KALRN: variants seen among roughly 807,000 people sequenced by gnomAD.
The protein encoded by KALRN is kalirin.
Under a neutral mutation model 353.7 loss-of-function variants are expected in KALRN, and 70 were observed. The observed-to-expected ratio is 0.20, with a 90% CI of 0.16 to 0.24. The LOEUF is 0.24. Among genes scored for constraint, KALRN ranks in the 10% least tolerant of loss-of-function variants. The probability of loss-of-function intolerance (pLI) is 1.00; values close to 1 mark genes in which losing one functional copy is unlikely to be tolerated. For synonymous variants in KALRN, 1,391 were observed against 1,434.8 expected (o/e 0.97, Z 0.69); for missense variants, 2,791 against 3,756.7 (o/e 0.74, Z 6.72).
intron 1 of KALRN, among the ~76,000 whole-genome samples, chr3:124,200,849 G>A (rs192255494): frequency 3.3e-5 from 5 of 152,250 alleles, no homozygotes; most frequent in Admixed American, 2.0e-4. Context: ...TTGTGAATCC[G>A]TATGTATGGC....
At chr3:124,110,730 A>C (rs1405417538) in intron 1 of KALRN, among the ~76,000 whole-genome samples, 2 of 152,172 alleles carry the variant, frequency 1.3e-5, no homozygotes, top group African/African-American at 4.8e-5. Flanking sequence ...CCTTCGACCT[A>C]GGTTGCAGTC....
At chr3:124,418,622 A>G (rs2092629096) in intron 14 of KALRN, among the ~76,000 whole-genome samples, 2 of 152,238 alleles carry the variant, frequency 1.3e-5, no homozygotes, top group Non-Finnish European at 2.9e-5. Context: ...AAATATCTAA[A>G]TCTTACTCTA....
chr3:124,302,426 A>G (rs937546667), intron 6 of KALRN, among the ~76,000 whole-genome samples: 1 of 152,220 alleles, frequency 6.6e-6, no homozygotes, highest in African/African-American at 2.4e-5. Flanking sequence ...CTTAATGTTG[A>G]TTGTTCATTC....
intron 1 of KALRN, among the ~76,000 whole-genome samples, chr3:124,119,931 T>C (rs1050557462): frequency 5.3e-5 from 8 of 152,226 alleles, no homozygotes; most frequent in Middle Eastern, 3.4e-3. Context: ...TTGGGTATGC[T>C]TTACCAATGC....
At chr3:124,684,236 T>C (rs934932449) in intron 51 of KALRN, among the ~76,000 whole-genome samples, 8 of 152,134 alleles carry the variant, frequency 5.3e-5, no homozygotes, top group African/African-American at 9.7e-5. Flanking sequence ...CTGGTTTTTC[T>C]GCTTGCTATT....
At chr3:124,433,476 T>C (rs1205609336) in intron 16 of KALRN, among the ~76,000 whole-genome samples, 3 of 151,372 alleles carry the variant, frequency 2.0e-5, no homozygotes, top group Non-Finnish European at 4.4e-5. Context: ...TAGTCCCAGC[T>C]ATCCATCTAC....
intron 4 of KALRN, among the ~76,000 whole-genome samples, chr3:124,265,448 A>G (rs1336127066): frequency 2.6e-5 from 4 of 151,286 alleles, no homozygotes; most frequent in African/African-American, 9.7e-5. Context: ...ACCTGCCACC[A>G]TGCCTAGCTA....
chr3:124,171,402 G>C (rs754329118), intron 1 of KALRN, among the ~76,000 whole-genome samples: 8 of 152,156 alleles, frequency 5.3e-5, no homozygotes, highest in African/African-American at 1.9e-4. Context: ...AACTCTCTCT[G>C]TTCATCTTTT....
At chr3:124,405,359 T>C (rs1389194222) in intron 13 of KALRN, among the ~76,000 whole-genome samples, 1 of 152,194 alleles carries the variant, frequency 6.6e-6, no homozygotes. Context: ...TCAAATGCTA[T>C]ATGCTCCTCC....
intron 21 of KALRN, among the ~76,000 whole-genome samples, chr3:124,452,411 G>A (rs79906519): frequency 0.012 from 1,839 of 152,218 alleles, 21 homozygotes; most frequent in Non-Finnish European, 0.022. Context: ...TACCTTTTAG[G>A]GTTCATGGTC....
chr3:124,619,997 T>C (rs187010960), intron 34 of KALRN, among the ~76,000 whole-genome samples: 4 of 152,076 alleles, frequency 2.6e-5, no homozygotes, highest in African/African-American at 7.2e-5. Context: ...TTTTCCACAA[T>C]GAAAGGCCTG....
At chr3:124,146,804 G>A (rs895807711) in intron 1 of KALRN, among the ~76,000 whole-genome samples, 1 of 142,844 alleles carries the variant, frequency 7.0e-6, no homozygotes, top group Admixed American at 7.3e-5. Context: ...TTGCGCCTGG[G>A]AGGCAGAGGT....
intron 6 of KALRN, among the ~76,000 whole-genome samples, chr3:124,309,465 G>A (rs2078033130): frequency 6.6e-6 from 1 of 152,170 alleles, no homozygotes; most frequent in African/African-American, 2.4e-5. Context: ...TGAGGCTGAG[G>A]CAGGAGAGTT....
chr3:124,419,206 A>G (rs1306244263), intron 14 of KALRN, among the ~76,000 whole-genome samples: 1 of 151,860 alleles, frequency 6.6e-6, no homozygotes, highest in Non-Finnish European at 1.5e-5. Context: ...GTAAGATTTT[A>G]TATTTACATT....
intron 14 of KALRN, among the ~76,000 whole-genome samples, chr3:124,414,499 T>G (rs1271552581): frequency 6.6e-6 from 1 of 152,198 alleles, no homozygotes; most frequent in Non-Finnish European, 1.5e-5. Flanking sequence ...ATCATATAAT[T>G]TTATAACTTC....
intron 1 of KALRN, among the ~76,000 whole-genome samples, chr3:124,103,166 A>C (rs2062013615): frequency 6.6e-6 from 1 of 152,152 alleles, no homozygotes; most frequent in African/African-American, 2.4e-5. Flanking sequence ...CAGGTAGTAG[A>C]GCGTATCATT....
At chr3:124,036,748 A>G (rs1165720175) in intron 1 of KALRN, among the ~76,000 whole-genome samples, 2 of 152,226 alleles carry the variant, frequency 1.3e-5, no homozygotes, top group African/African-American at 4.8e-5. Flanking sequence ...TGTATGCACA[A>G]GGACCAAACT....
intron 26 of KALRN, among the ~76,000 whole-genome samples, chr3:124,475,835 C>T (rs1478818758): frequency 2.6e-5 from 4 of 152,122 alleles, no homozygotes; most frequent in African/African-American, 9.7e-5. Context: ...AAAGTCTTAG[C>T]TACCATCTTA....
intron 57 of KALRN, among the ~76,000 whole-genome samples, chr3:124,710,857 G>T (rs920143361): frequency 2.0e-5 from 3 of 152,170 alleles, no homozygotes; most frequent in Non-Finnish European, 4.4e-5. Flanking sequence ...TAAACCATGG[G>T]TCTGCATAAC....
Sources: allele counts gnomAD v4.1 joint callset (sites outside exome capture counted in the v4.1 genomes callset), GRCh38; gene constraint gnomAD v4.1.1; transcripts MANE v1.5; gene names NCBI Gene and HGNC (gene_info 2026-07-23, HGNC 2026-07-21).